Variants in CSMD1 observed in about 807,000 individuals in gnomAD.
CSMD1 encodes the protein CUB and Sushi multiple domains 1.
Under a neutral mutation model 417.5 loss-of-function variants are expected in CSMD1, and 213 were observed. That is an observed-to-expected ratio of 0.51 (90% CI 0.46 to 0.57). The LOEUF (loss-of-function observed/expected upper bound fraction) is 0.57. Among genes scored for constraint, CSMD1 ranks in the 20% least tolerant of loss-of-function variants. The pLI, the probability that CSMD1 is intolerant of heterozygous loss-of-function variation, is 0.00. For synonymous variants in CSMD1, 2,862 were observed against 1,736.8 expected, an observed-to-expected ratio of 1.65 and a Z score of -16.11; for missense variants, 6,923 against 4,529.7, an observed-to-expected ratio of 1.53 and a Z score of -15.17.
At position 4,446,986 on chromosome 8, in the gene CSMD1, T is replaced by C. The variant is rs73660839; in HGVS notation, c.303-26921A>G. On this transcript the variant is annotated intron_variant, in intron 2 of 69. Coordinates refer to ENST00000635120, the MANE Select transcript of CSMD1 (RefSeq NM_033225.6). ...ACAAAAACAGCAGGAGATGACTGGG[T>C]GGAGTGGTAAGAAACTGTTGCATGG... is the stretch of plus-strand genomic sequence containing the variant. Among the ~76,000 whole-genome samples, 1,038 of 146,562 alleles carry C rather than the reference T, an allele frequency of 7.1e-3. 18 individuals are homozygous for C. Among genetic ancestry groups the C allele is most frequent in the African/African-American group, 0.025 (989 of 39,602 alleles).
At chr8:3,739,167 T>G (rs1440581574) in intron 6 of CSMD1, among the ~76,000 whole-genome samples, 1 of 152,232 alleles carries the variant, frequency 6.6e-6, no homozygotes, top group African/African-American at 2.4e-5. Flanking sequence ...GCAGTTAAAG[T>G]ATCTGATGCA....
chr8:4,244,097 G>T (rs762005476), intron 3 of CSMD1, among the ~76,000 whole-genome samples: 1 of 152,196 alleles, frequency 6.6e-6, no homozygotes, highest in Non-Finnish European at 1.5e-5. Context: ...TGCATCTGAA[G>T]ATGACTACTG....
intron 1 of CSMD1, among the ~76,000 whole-genome samples, chr8:4,775,195 A>AT (rs1225710776): frequency 1.3e-5 from 2 of 152,098 alleles, no homozygotes; most frequent in African/African-American, 2.4e-5. Context: ...GAATTTGATT[A>AT]TTTTTTTCTG....
At chr8:3,369,610 A>G (rs967789163) in intron 18 of CSMD1, among the ~76,000 whole-genome samples, 1 of 152,210 alleles carries the variant, frequency 6.6e-6, no homozygotes, top group African/African-American at 2.4e-5. Context: ...GCACAGCAGG[A>G]GAGCTGGAAC....
intron 5 of CSMD1, among the ~76,000 whole-genome samples, chr8:3,784,136 C>G (rs1011706132): frequency 6.6e-6 from 1 of 151,880 alleles, no homozygotes; most frequent in Non-Finnish European, 1.5e-5. Context: ...TTTTTCCTCT[C>G]TCTTTCTCTC....
chr8:4,381,265 C>A (rs55960555), intron 3 of CSMD1, among the ~76,000 whole-genome samples: 1 of 152,072 alleles, frequency 6.6e-6, no homozygotes, highest in African/African-American at 2.4e-5. Context: ...GGAATAAAGG[C>A]GTCAAAACAG....
At chr8:3,218,607 C>G (rs1363797020) in intron 29 of CSMD1, among the ~76,000 whole-genome samples, 3 of 150,700 alleles carry the variant, frequency 2.0e-5, no homozygotes, top group Non-Finnish European at 3.0e-5. Flanking sequence ...CACGGTGACT[C>G]ACGTCTATAA....
At chr8:3,554,628 G>T (rs774470867) in intron 10 of CSMD1, among the ~76,000 whole-genome samples, 2 of 152,198 alleles carry the variant, frequency 1.3e-5, no homozygotes, top group South Asian at 2.1e-4. Context: ...TGAGCAGGTG[G>T]GAGAAATAGC....
At chr8:4,783,117 G>A (rs772543924) in intron 1 of CSMD1, among the ~76,000 whole-genome samples, 4 of 152,142 alleles carry the variant, frequency 2.6e-5, no homozygotes, top group East Asian at 1.9e-4. Context: ...CAATCACAGA[G>A]TTAACATGTC....
chr8:4,468,668 C>T (rs1304208647), intron 2 of CSMD1, among the ~76,000 whole-genome samples: 3 of 152,112 alleles, frequency 2.0e-5, no homozygotes, highest in African/African-American at 7.2e-5. Flanking sequence ...TAGATCTCCT[C>T]CCCTGGACTG....
intron 5 of CSMD1, among the ~76,000 whole-genome samples, chr8:3,837,351 G>C (rs1451957819): frequency 1.3e-5 from 2 of 152,088 alleles, no homozygotes; most frequent in South Asian, 4.2e-4. Flanking sequence ...CCCCAGGCTG[G>C]AGCTATATTA....
intron 3 of CSMD1, among the ~76,000 whole-genome samples, chr8:4,333,322 T>A (rs1053748772): frequency 6.6e-6 from 1 of 152,048 alleles, no homozygotes; most frequent in Non-Finnish European, 1.5e-5. Flanking sequence ...AACATCTAGA[T>A]CCGAGAGAGA....
intron 2 of CSMD1, among the ~76,000 whole-genome samples, chr8:4,434,468 A>C (rs965605580): frequency 6.6e-6 from 1 of 152,170 alleles, no homozygotes; most frequent in African/African-American, 2.4e-5. Flanking sequence ...TGAAGTCCCC[A>C]CACTCTAACA....
chr8:4,616,830 T>A (rs1251453946), intron 2 of CSMD1, among the ~76,000 whole-genome samples: 1 of 152,176 alleles, frequency 6.6e-6, no homozygotes, highest in East Asian at 1.9e-4. Context: ...CTCATTTTGG[T>A]CTTCTGGGCT....
chr8:4,007,353 C>T (rs1176564963), intron 4 of CSMD1, among the ~76,000 whole-genome samples: 1 of 152,222 alleles, frequency 6.6e-6, no homozygotes, highest in East Asian at 1.9e-4. Flanking sequence ...TTCCTCTTTT[C>T]CTCACTGGGT....
At chr8:4,232,463 T>C (rs1191492388) in intron 3 of CSMD1, among the ~76,000 whole-genome samples, 2 of 152,170 alleles carry the variant, frequency 1.3e-5, no homozygotes, top group Non-Finnish European at 1.5e-5. Flanking sequence ...ATTCCCAAAG[T>C]GCTGGGATTA....
At chr8:3,783,026 G>A (rs901757634) in intron 5 of CSMD1, among the ~76,000 whole-genome samples, 3 of 152,118 alleles carry the variant, frequency 2.0e-5, no homozygotes, top group Non-Finnish European at 4.4e-5. Context: ...TCGCAAGCAC[G>A]CGTTCATCTT....
intron 3 of CSMD1, among the ~76,000 whole-genome samples, chr8:4,102,664 T>C (rs1387028220): frequency 1.3e-5 from 2 of 152,208 alleles, no homozygotes; most frequent in African/African-American, 4.8e-5. Flanking sequence ...AAACTTTAAA[T>C]ACTCCAATAT....
chr8:3,012,047 G>T (rs1808429202), intron 52 of CSMD1, among the ~76,000 whole-genome samples: 1 of 152,202 alleles, frequency 6.6e-6, no homozygotes, highest in Non-Finnish European at 1.5e-5. Context: ...ATTAGAGCAG[G>T]TCCTTGGCAA....
Sources: allele counts gnomAD v4.1 joint callset (sites outside exome capture counted in the v4.1 genomes callset), GRCh38; gene constraint gnomAD v4.1.1; transcripts MANE v1.5; gene names NCBI Gene and HGNC (gene_info 2026-07-23, HGNC 2026-07-21).